Variants in CPLX3 observed in about 807,000 individuals in gnomAD.
CPLX3 encodes the protein complexin-3.
A neutral mutation model predicts 17.2 loss-of-function variants in CPLX3; 12 were observed. That is an observed-to-expected ratio of 0.70 (90% CI 0.45 to 1.13). The LOEUF (loss-of-function observed/expected upper bound fraction) is 1.13, where lower values mean the gene tolerates loss of function less well. Ranked by LOEUF, CPLX3 falls within the 50% of genes most tolerant of loss-of-function variation. The pLI is 0.00. For missense variants in CPLX3, 172 were observed against 203.2 expected, an observed-to-expected ratio of 0.85 and a Z score of 0.93; for synonymous variants, 75 against 79.4, an observed-to-expected ratio of 0.94 and a Z score of 0.29.
intron 2 of CPLX3, 22 bp from the exon 3 acceptor site, chr15:74,830,108 C>A (rs750959297): frequency 6.2e-7 from 1 of 1,601,964 alleles, no homozygotes; most frequent in South Asian, 1.1e-5. Context: ...CACCCCACCC[C>A]CTCTTCCCCT....
Position 74,830,416 on chromosome 15 carries a change from C to T in CPLX3, c.*62C>T. ...ATGAGGGCTAAGAGTGTGTCAACTT[C>T]CAGGGACCCATACTCCATTTGGGGC... On this transcript the variant is annotated 3_prime_UTR_variant, in exon 3 of 3. Transcript: ENST00000395018. 1 of 1,360,760 alleles carries T rather than the reference C, an allele frequency of 7.3e-7. No individual in the cohort carries two copies. Among genetic ancestry groups the T allele is most frequent in the East Asian group, 2.5e-5 (1 of 40,568 alleles). The allele number at this position is 1,360,760 out of a possible 1,614,324, so 84.3% of individuals were successfully genotyped here.
intron 1 of CPLX3, 77 bp from the exon 2 acceptor site, chr15:74,827,957 C>T (rs2063950937): frequency 8.4e-7 from 1 of 1,195,184 alleles, no homozygotes; most frequent in African/African-American, 1.5e-5. Context: ...CTCAGAGACC[C>T]CTTCTGTCCC....
At chr15:74,828,239 G>A (rs992801860) in intron 2 of CPLX3, 118 bp downstream of exon 2, 14 of 758,852 alleles carry the variant, frequency 1.8e-5, no homozygotes, top group African/African-American at 5.2e-5. Flanking sequence ...TATTTGGTTA[G>A]ATCCTTCCTT....
intron 2 of CPLX3, 80 bp downstream of exon 2, chr15:74,828,201 A>C: frequency 9.1e-7 from 1 of 1,096,538 alleles, no homozygotes; most frequent in Middle Eastern, 2.0e-4. Flanking sequence ...TCTGGGCACC[A>C]CAGCCCTCAG....
Position 74,830,116 on chromosome 15 carries a change from C to G in CPLX3, c.253-14C>G. ...TCCACTCCACCCCACCCCCTCTTCCCCTCTTCCCTTCAGAACGAGACAGAT... is the reference window on the plus strand; with the variant it reads ...TCCACTCCACCCCACCCCCTCTTCCGCTCTTCCCTTCAGAACGAGACAGAT... On this transcript the variant is annotated splice_polypyrimidine_tract_variant and intron_variant, in intron 2 of 2. Transcript: ENST00000395018. 2 of 1,610,694 alleles carry G rather than the reference C, an allele frequency of 1.2e-6. No individual in the cohort carries two copies. Among genetic ancestry groups the G allele is most frequent in the Non-Finnish European group, 1.7e-6 (2 of 1,177,496 alleles).
chr15:74,827,977 G>C, intron 1 of CPLX3, 57 bp from the exon 2 acceptor site: 1 of 1,419,744 alleles, frequency 7.0e-7, no homozygotes. Context: ...CTCCCTCGAA[G>C]ACCTCAACCC....
Position 74,830,478 on chromosome 15 carries a change from TC to T in CPLX3, c.*127del. On this transcript the variant is annotated 3_prime_UTR_variant, in exon 3 of 3. Coordinates refer to ENST00000395018, the MANE Select transcript of CPLX3 (RefSeq NM_001030005.3). Reference sequence around the variant, plus strand: ...TGCCCCATCCTAGTTCCAAGACCTTTCCCATCCATGCCCCAAGCCTATCTTC... The same window carrying T: ...TGCCCCATCCTAGTTCCAAGACCTTTCCATCCATGCCCCAAGCCTATCTTC... 1 of 755,846 alleles carries T rather than the reference TC, an allele frequency of 1.3e-6. No homozygotes were observed. The highest frequency in any genetic ancestry group is 2.2e-6 in the Non-Finnish European group (1 of 461,532). 46.8% of individuals were successfully genotyped at this position (755,846 alleles called of 1,614,324 possible).
intron 2 of CPLX3, among the ~76,000 whole-genome samples, chr15:74,828,535 G>A (rs961566921): frequency 1.3e-5 from 2 of 152,196 alleles, no homozygotes; most frequent in East Asian, 1.9e-4. Flanking sequence ...CTTACTTAAG[G>A]TGGGGGAGAG....
chr15:74,830,273 G>A lies in CPLX3; in HGVS notation c.396G>A (p.Leu132=). ...GGCAGCTGGCCAGCCTTCCTGGCTT[G>A]AACCTGGGCTCACTCAAGGACAAGG... ...VLGQLASLPG[L]NLGSLKDKAQ... Residue 132 remains leucine, a synonymous_variant, in exon 3 of 3, where the codon TTG becomes TTA. Transcript: ENST00000395018. The A allele has an allele frequency of 6.2e-7, 1 of 1,613,962 alleles. No individual in the cohort carries two copies. The highest frequency in any genetic ancestry group is 8.5e-7 in the Non-Finnish European group (1 of 1,180,032).
At position 74,828,220 on chromosome 15, in the gene CPLX3, C is replaced by T. The variant is rs1203594409; in HGVS notation, c.252+99C>T. Reference sequence around the variant, plus strand: ...GGCACCACAGCCCTCAGCTATGAGACTCACAGGGTATTTGGTTAGATCCTT... The same window carrying T: ...GGCACCACAGCCCTCAGCTATGAGATTCACAGGGTATTTGGTTAGATCCTT... On this transcript the variant is annotated intron_variant, in intron 2 of 2. Transcript: ENST00000395018. 6.9e-6 allele frequency: 6 copies of T among 872,916 alleles called. No homozygotes were observed. The East Asian group carries it at 1.3e-4, about 19-fold the overall frequency. The allele number at this position is 872,916 out of a possible 1,614,324, so 54.1% of individuals were successfully genotyped here. A position where few individuals can be genotyped will look rare whatever the true frequency, so the allele number is the denominator to read the frequency against.
intron 1 of CPLX3, 93 bp from the exon 2 acceptor site, chr15:74,827,941 C>A: frequency 1.9e-6 from 2 of 1,028,854 alleles, no homozygotes; most frequent in Non-Finnish European, 3.0e-6. Context: ...GCAGCAGCTG[C>A]TAGGACTCAG....
At chr15:74,829,449 GT>G (rs1489361878) in intron 2 of CPLX3, among the ~76,000 whole-genome samples, 2 of 151,866 alleles carry the variant, frequency 1.3e-5, no homozygotes, top group South Asian at 2.1e-4. Flanking sequence ...AGTTACTTAA[GT>G]TACTTAAGTT....
Position 74,830,208 on chromosome 15 carries a change from G to A in CPLX3, c.331G>A (p.Glu111Lys), listed in dbSNP as rs993357721. The change falls in exon 3 of 3, where the codon GAG (glutamate) becomes AAG (lysine). Residue 111 changes from glutamate to lysine, a missense_variant. Glu to Lys is a moderately conservative substitution (Grantham distance 56). Transcript: ENST00000395018. ...LPRELAKMIE[E>K]DTEEEEEKAS... The stretch of plus-strand genomic sequence containing the variant: ...CCGGGAGCTGGCCAAGATGATCGAG[G>A]AGGACACAGAGGAGGAGGAGGAGAA... 10 of 1,613,862 alleles carry A rather than the reference G, an allele frequency of 6.2e-6. No individual in the cohort carries two copies. The highest frequency in any genetic ancestry group is 7.6e-6 in the Non-Finnish European group (9 of 1,180,024).
Position 74,826,678 on chromosome 15 carries a change from G to C in CPLX3, c.-26G>C, listed in dbSNP as rs769358944. ...CGGTGCCTGGCGCGTGGTAGCAGGC[G>C]CCCGGTGCCCCGGCCGGCGAAGACC... On this transcript the variant is annotated 5_prime_UTR_variant, in exon 1 of 3. Transcript: ENST00000395018. The surrounding 1 kb of genome is among the most constrained non-coding windows in gnomAD (Gnocchi z 5.0). 6.3e-7 allele frequency: 1 copy of C among 1,594,560 alleles called. No homozygotes were observed. The highest frequency in any genetic ancestry group is 1.4e-5 in the African/African-American group (1 of 73,034).
intron 2 of CPLX3, among the ~76,000 whole-genome samples, chr15:74,828,333 C>A (rs937034267): frequency 6.6e-6 from 1 of 152,210 alleles, no homozygotes; most frequent in African/African-American, 2.4e-5. Flanking sequence ...GCTGAGGGGA[C>A]CCCAGTCCTC....
In CPLX3 at chr15:74,830,364, CG is replaced by C; in HGVS notation, c.*14del. On this transcript the variant is annotated 3_prime_UTR_variant, in exon 3 of 3. Coordinates refer to ENST00000395018, the MANE Select transcript of CPLX3 (RefSeq NM_001030005.3). The stretch of plus-strand genomic sequence containing the variant: ...GTGTCACGTCATGTGACCACTTCCC[CG>C]GGGTTACCCACTGGGCTGGGCCCCC... 1 of 1,604,770 alleles carries C rather than the reference CG, an allele frequency of 6.2e-7. No individual in the cohort carries two copies. The highest frequency in any genetic ancestry group is 8.5e-7 in the Non-Finnish European group (1 of 1,174,460).
chr15:74,829,207 T>A (rs1756471068), intron 2 of CPLX3, among the ~76,000 whole-genome samples: 2 of 152,184 alleles, frequency 1.3e-5, no homozygotes, highest in Admixed American at 1.3e-4. Context: ...AAATCATTCC[T>A]CAGATGCTTG....
Position 74,826,718 on chromosome 15 carries a change from G to A in CPLX3, c.15G>A (p.Val5=). Residue 5 remains valine, a synonymous_variant, in exon 1 of 3, where the codon GTG becomes GTA. Coordinates refer to ENST00000395018, the MANE Select transcript of CPLX3 (RefSeq NM_001030005.3). This position sits in a 1 kb window ranked among gnomAD's most constrained non-coding sequence, Gnocchi z 5.0. ...CGGCGAAGACCATGGCGTTCATGGTGAAGACCATGGTGGGCGGCCAGCTGA... is the reference window on the plus strand; with the variant it reads ...CGGCGAAGACCATGGCGTTCATGGTAAAGACCATGGTGGGCGGCCAGCTGA... MAFM[V]KTMVGGQLKN... 2 of 1,610,686 alleles carry A rather than the reference G, an allele frequency of 1.2e-6. No homozygotes were observed. The highest frequency in any genetic ancestry group is 1.7e-6 in the Non-Finnish European group (2 of 1,178,578).
At position 74,826,913 on chromosome 15, in the gene CPLX3, C is replaced by T. The variant is rs368456365; in HGVS notation, c.164+46C>T. On this transcript the variant is annotated intron_variant, in intron 1 of 2. Transcript: ENST00000395018. This position sits in a 1 kb window ranked among gnomAD's most constrained non-coding sequence, Gnocchi z 5.0. ...GCTCCAACGACCTCCCCTCCCCACC[C>T]CCACAGCTGCTCAGTCCATCCCCGG... 3.2e-6 allele frequency: 5 copies of T among 1,542,348 alleles called. No individual in the cohort carries two copies. The highest frequency in any genetic ancestry group is 4.4e-6 in the Non-Finnish European group (5 of 1,132,660).
Sources: allele counts gnomAD v4.1 joint callset (sites outside exome capture counted in the v4.1 genomes callset), GRCh38; gene constraint gnomAD v4.1.1; non-coding constraint Gnocchi (gnomAD v3.1); transcripts MANE v1.5; gene names NCBI Gene and HGNC (gene_info 2026-07-23, HGNC 2026-07-21).